Variants in SEPTIN9 observed in about 807,000 individuals in gnomAD.
SEPTIN9 encodes the protein septin-9.
In SEPTIN9, 13 loss-of-function variants were observed where a neutral mutation model predicts 56.6. That is an observed-to-expected ratio of 0.23 (90% confidence interval 0.15 to 0.37). SEPTIN9 has a LOEUF of 0.37. Among genes scored for constraint, SEPTIN9 ranks in the 10% least tolerant of loss-of-function variants. The probability of loss-of-function intolerance (pLI) is 1.00; values close to 1 mark genes in which losing one functional copy is unlikely to be tolerated. For missense variants in SEPTIN9, 650 were observed against 823.1 expected (o/e 0.79, Z 2.57); for synonymous variants, 332 against 334.1 (o/e 0.99, Z 0.07).
chr17:77,341,926 C>T (rs753167028), intron 2 of SEPTIN9, among the ~76,000 whole-genome samples: 6 of 145,946 alleles, frequency 4.1e-5, no homozygotes, highest in East Asian at 2.1e-4. Flanking sequence ...ACTAAAGATA[C>T]GAAAAAAATA....
chr17:77,359,703 G>C (rs897571599), intron 2 of SEPTIN9, among the ~76,000 whole-genome samples: 1 of 152,098 alleles, frequency 6.6e-6, no homozygotes, highest in Non-Finnish European at 1.5e-5. Flanking sequence ...GGCTGAGATG[G>C]GAGGATCGCT....
At chr17:77,481,086 A>G (rs1323476913) in intron 3 of SEPTIN9, among the ~76,000 whole-genome samples, 2 of 152,198 alleles carry the variant, frequency 1.3e-5, no homozygotes, top group Non-Finnish European at 2.9e-5. Context: ...GATGGGAACC[A>G]GCCCCATCCT....
At chr17:77,309,360 C>T (rs192258149) in intron 2 of SEPTIN9, among the ~76,000 whole-genome samples, 20 of 152,378 alleles carry the variant, frequency 1.3e-4, no homozygotes, top group Admixed American at 8.5e-4. Flanking sequence ...TGCTGACACA[C>T]GGGGTCCTCC....
chr17:77,403,065 C>T (rs2035956307), intron 3 of SEPTIN9, among the ~76,000 whole-genome samples: 2 of 152,128 alleles, frequency 1.3e-5, no homozygotes, highest in South Asian at 2.1e-4. Flanking sequence ...GGAACCAGGG[C>T]AGGCTCATGC....
At chr17:77,373,863 C>T in intron 2 of SEPTIN9, 1 of 351,076 alleles carries the variant, frequency 2.8e-6, no homozygotes, top group Non-Finnish European at 5.0e-6. Context: ...CAAGCGACAG[C>T]GACCTCCTCG....
At position 77,423,693 on chromosome 17, in the gene SEPTIN9, C is replaced by T. The variant is rs868076966; in HGVS notation, c.721+20990C>T. On this transcript the variant is annotated intron_variant, in intron 3 of 11. Coordinates refer to ENST00000427177, the MANE Select transcript of SEPTIN9 (RefSeq NM_001113491.2). ...GCGCTGAGCAATCCTCCACTGCCCC[C>T]GTCGCGTTCCTGCTGCAGGGAAGCC... Among the ~76,000 whole-genome samples, 9 of 152,240 alleles carry T rather than the reference C, an allele frequency of 5.9e-5. No homozygotes were observed. The East Asian group carries it at 1.2e-3, about 20-fold the overall frequency.
intron 3 of SEPTIN9, among the ~76,000 whole-genome samples, chr17:77,473,773 T>G (rs1361894982): frequency 6.6e-6 from 1 of 152,240 alleles, no homozygotes; most frequent in Non-Finnish European, 1.5e-5. Flanking sequence ...ACCACTGTTT[T>G]CATTCTGACT....
intron 2 of SEPTIN9, among the ~76,000 whole-genome samples, chr17:77,359,115 A>C (rs1300351486): frequency 6.6e-6 from 1 of 152,148 alleles, no homozygotes; most frequent in Non-Finnish European, 1.5e-5. Flanking sequence ...CATGACCTGA[A>C]AGTTAAACAC....
chr17:77,311,229 C>G lies in SEPTIN9; in HGVS notation c.76+4032C>G, dbSNP rs954932224. 3.6e-3 allele frequency among the ~76,000 whole-genome samples: 532 copies of G among 149,130 alleles called. 12 individuals are homozygous for G. The highest frequency in any genetic ancestry group is 0.012 in the African/African-American group (507 of 40,838). ...GAAGAGGCAAGGAAGGACCCCCCCCCCACCCCACCCCAGAGCCTCCCTAGG... is the reference window on the plus strand; with the variant it reads ...GAAGAGGCAAGGAAGGACCCCCCCCGCACCCCACCCCAGAGCCTCCCTAGG... On this transcript the variant is annotated intron_variant, in intron 2 of 11. Transcript: ENST00000427177.
intron 2 of SEPTIN9, among the ~76,000 whole-genome samples, chr17:77,358,208 C>T (rs1017597162): frequency 6.6e-5 from 10 of 152,130 alleles, no homozygotes; most frequent in Non-Finnish European, 8.8e-5. Context: ...CAGCACCTGG[C>T]GATGTTTTGG....
intron 3 of SEPTIN9, chr17:77,444,751 C>T (rs1448799254): frequency 9.0e-6 from 2 of 221,208 alleles, no homozygotes; most frequent in Non-Finnish European, 1.9e-5. Context: ...GGATACTGGC[C>T]ATGAGGATTT....
rs1421487288 is a variant in SEPTIN9, at chr17:77,476,818, G to A, written c.722-5326G>A. ...GAGTTTGTCTGGGGCATGGTCTGGC[G>A]ACACCAACTTGAGAACCTCAGGCCT... On this transcript the variant is annotated intron_variant, in intron 3 of 11. Transcript: ENST00000427177. The surrounding 1 kb of genome is among the most constrained non-coding windows in gnomAD (Gnocchi z 6.0). Among the ~76,000 whole-genome samples the A allele has an allele frequency of 6.6e-6, 1 of 152,224 alleles. No individual in the cohort carries two copies.
chr17:77,390,069 C>T (rs2035480229), intron 2 of SEPTIN9, among the ~76,000 whole-genome samples: 1 of 152,118 alleles, frequency 6.6e-6, no homozygotes, highest in South Asian at 2.1e-4. Flanking sequence ...TCGCTGTTGC[C>T]CTCTTGGAGG....
intron 3 of SEPTIN9, among the ~76,000 whole-genome samples, chr17:77,464,664 G>T (rs572408935): frequency 6.6e-6 from 1 of 151,238 alleles, no homozygotes; most frequent in Non-Finnish European, 1.5e-5. Context: ...GCAGTGGCGC[G>T]ATCTTGGCTC....
At chr17:77,320,042 T>C in intron 2 of SEPTIN9, 3 of 1,379,994 alleles carry the variant, frequency 2.2e-6, no homozygotes, top group Non-Finnish European at 2.8e-6. Flanking sequence ...TCCTGCCTCC[T>C]ATTTTTGGAT....
chr17:77,495,488 G>A (rs919523120), intron 10 of SEPTIN9, among the ~76,000 whole-genome samples: 19 of 152,200 alleles, frequency 1.2e-4, no homozygotes, highest in African/African-American at 4.3e-4. Context: ...ATTGTCAATA[G>A]AAATGTGGGG....
intron 2 of SEPTIN9, among the ~76,000 whole-genome samples, chr17:77,311,998 C>G (rs2032512812): frequency 6.6e-6 from 1 of 152,178 alleles, no homozygotes; most frequent in African/African-American, 2.4e-5. Flanking sequence ...CAGAGTTGAC[C>G]TTGACCTCTG....
chr17:77,319,216 T>A lies in SEPTIN9; in HGVS notation c.76+12019T>A. 6.6e-6 allele frequency among the ~76,000 whole-genome samples: 1 copy of A among 152,202 alleles called. No individual in the cohort carries two copies. Among genetic ancestry groups the A allele is most frequent in the East Asian group, 1.9e-4 (1 of 5,168 alleles). ...TTAAAGACAGAGAGGATGCCCCTGA[T>A]TCCCACCCCAGGGACCCACATTGTA... On this transcript the variant is annotated intron_variant, in intron 2 of 11. Transcript: ENST00000427177. The surrounding 1 kb of genome is among the most constrained non-coding windows in gnomAD (Gnocchi z 5.3).
intron 2 of SEPTIN9, among the ~76,000 whole-genome samples, chr17:77,316,904 C>T (rs115353128): frequency 6.6e-6 from 1 of 151,962 alleles, no homozygotes; most frequent in South Asian, 2.1e-4. Flanking sequence ...TCTCTTGTTT[C>T]TAAACTCAAT....
Sources: gnomAD v4.1 joint callset for allele counts (sites outside exome capture counted in the v4.1 genomes callset) on GRCh38, gnomAD v4.1.1 for gene constraint, Gnocchi (gnomAD v3.1) non-coding constraint, MANE v1.5 for transcripts, NCBI Gene and HGNC (gene_info 2026-07-23, HGNC 2026-07-21) for gene names.